Variants in NAALADL2 observed in about 807,000 individuals in gnomAD.
The protein encoded by NAALADL2 is inactive N-acetylated-alpha-linked acidic dipeptidase-like protein 2.
In NAALADL2, 76 loss-of-function variants were observed where a neutral mutation model predicts 87.2. The ratio of observed to expected loss-of-function variants is 0.87; its 90% CI spans 0.72 to 1.05. The LOEUF (loss-of-function observed/expected upper bound fraction) is 1.05. Ranked by LOEUF, NAALADL2 falls within the 50% of genes least tolerant of loss-of-function variation. The pLI, the probability that NAALADL2 is intolerant of heterozygous loss-of-function variation, is 0.00. For synonymous variants in NAALADL2, 354 were observed against 331.0 expected (o/e 1.07, Z -0.75); for missense variants, 1,089 against 945.8 (o/e 1.15, Z -1.99).
At chr3:174,569,662 G>A (rs1714692366) in intron 2 of NAALADL2, among the ~76,000 whole-genome samples, 1 of 152,096 alleles carries the variant, frequency 6.6e-6, no homozygotes, top group East Asian at 1.9e-4. Flanking sequence ...TGTTTTAGCA[G>A]GGAGTTAAAT....
intron 11 of NAALADL2, among the ~76,000 whole-genome samples, chr3:175,725,041 G>C (rs1427989072): frequency 6.6e-6 from 1 of 152,016 alleles, no homozygotes; most frequent in Non-Finnish European, 1.5e-5. Flanking sequence ...CTAAAGCACT[G>C]TTTTATTAAA....
intron 2 of NAALADL2, among the ~76,000 whole-genome samples, chr3:174,725,297 G>C (rs1003788718): frequency 2.6e-5 from 4 of 152,050 alleles, no homozygotes; most frequent in Admixed American, 2.6e-4. Context: ...TTTGAGATTA[G>C]TACTACAAAA....
intron 1 of NAALADL2, among the ~76,000 whole-genome samples, chr3:174,887,066 T>C (rs1048200599): frequency 6.6e-6 from 1 of 152,164 alleles, no homozygotes; most frequent in African/African-American, 2.4e-5. Context: ...TGCTGTAGCT[T>C]ATATAAGGAG....
chr3:174,708,687 ACTTAC>A (rs1234343240), intron 2 of NAALADL2, among the ~76,000 whole-genome samples: 4 of 151,984 alleles, frequency 2.6e-5, no homozygotes, highest in African/African-American at 9.7e-5. Context: ...ATAGGATTTG[ACTTAC>A]CTTACATATG....
At chr3:175,198,246 G>A (rs148918434) in intron 2 of NAALADL2, among the ~76,000 whole-genome samples, 175 of 152,072 alleles carry the variant, frequency 1.2e-3, no homozygotes, top group African/African-American at 3.9e-3. Flanking sequence ...TATTAAATTC[G>A]AAGAATCTAG....
chr3:174,927,726 T>A (rs1205461808), intron 1 of NAALADL2, among the ~76,000 whole-genome samples: 1 of 152,176 alleles, frequency 6.6e-6, no homozygotes, highest in African/African-American at 2.4e-5. Flanking sequence ...GAGGGAAATT[T>A]ATAGCACTAA....
intron 11 of NAALADL2, among the ~76,000 whole-genome samples, chr3:175,720,670 G>C (rs1419086977): frequency 6.6e-6 from 1 of 151,972 alleles, no homozygotes; most frequent in Non-Finnish European, 1.5e-5. Context: ...TTGTGATGAA[G>C]TGGCTCGTAG....
At chr3:175,338,748 C>G (rs889958829) in intron 5 of NAALADL2, among the ~76,000 whole-genome samples, 3 of 151,820 alleles carry the variant, frequency 2.0e-5, no homozygotes, top group African/African-American at 7.2e-5. Flanking sequence ...AAAGTGTGAG[C>G]AGGAGTGCAA....
intron 4 of NAALADL2, among the ~76,000 whole-genome samples, chr3:175,280,057 T>C (rs1754094890): frequency 6.6e-6 from 1 of 151,818 alleles, no homozygotes; most frequent in Non-Finnish European, 1.5e-5. Flanking sequence ...GTTTTAAATA[T>C]ACCCTTGGAT....
intron 10 of NAALADL2, among the ~76,000 whole-genome samples, chr3:175,617,455 C>A (rs942560587): frequency 1.3e-5 from 2 of 152,168 alleles, no homozygotes; most frequent in African/African-American, 4.8e-5. Flanking sequence ...AGGGTGGAGG[C>A]GGCTTCCTCA....
chr3:175,148,094 A>AATAAT (rs1553790286), intron 2 of NAALADL2, among the ~76,000 whole-genome samples: 1 of 125,528 alleles, frequency 8.0e-6, no homozygotes, highest in Non-Finnish European at 1.6e-5. Context: ...TGATAATGAT[A>AATAAT]ATAATAATAA....
intron 9 of NAALADL2, among the ~76,000 whole-genome samples, chr3:175,541,734 G>T (rs748573765): frequency 2.6e-4 from 40 of 151,984 alleles, no homozygotes; most frequent in Admixed American, 7.2e-4. Context: ...TTGTTTGTTT[G>T]TTTTTTGAGA....
intron 9 of NAALADL2, among the ~76,000 whole-genome samples, chr3:175,479,186 T>C (rs1023940626): frequency 2.6e-5 from 4 of 151,866 alleles, no homozygotes; most frequent in African/African-American, 7.2e-5. Context: ...AGTTGTAACC[T>C]GATTAAACAA....
At chr3:175,245,122 C>CT (rs542621255) in intron 3 of NAALADL2, among the ~76,000 whole-genome samples, 61 of 152,022 alleles carry the variant, frequency 4.0e-4, no homozygotes, top group South Asian at 3.9e-3. Flanking sequence ...TTCATAATCT[C>CT]TTTTTTAAAA....
At chr3:174,620,951 T>A (rs1189695833) in intron 2 of NAALADL2, among the ~76,000 whole-genome samples, 1 of 152,104 alleles carries the variant, frequency 6.6e-6, no homozygotes, top group Admixed American at 6.5e-5. Flanking sequence ...TATTTGAAGA[T>A]GGCATTTTTG....
intron 3 of NAALADL2, among the ~76,000 whole-genome samples, chr3:174,769,157 G>T (rs1714219784): frequency 6.6e-6 from 1 of 151,696 alleles, no homozygotes; most frequent in Non-Finnish European, 1.5e-5. Context: ...TTCCTTTGAT[G>T]CCTTATTTTG....
chr3:175,302,870 A>G (rs747211201), intron 4 of NAALADL2, among the ~76,000 whole-genome samples: 95 of 150,734 alleles, frequency 6.3e-4, no homozygotes, highest in African/African-American at 1.8e-3. Flanking sequence ...GTGTGTGTGT[A>G]TATTTTTTCA....
intron 2 of NAALADL2, among the ~76,000 whole-genome samples, chr3:174,650,047 GATA>G (rs72165871): frequency 0.068 from 10,302 of 151,926 alleles, 1,188 homozygotes; most frequent in African/African-American, 0.24. Flanking sequence ...TCAATAATAA[GATA>G]ATAATAGCTA....
At position 174,990,587 on chromosome 3, in the gene NAALADL2, C is replaced by T. The variant is rs1476415647; in HGVS notation, c.44-106203C>T. 5.9e-5 allele frequency among the ~76,000 whole-genome samples: 9 copies of T among 151,696 alleles called. 1 individual carries two copies. Among genetic ancestry groups the T allele is most frequent in the South Asian group, 2.1e-4 (1 of 4,818 alleles). ...TTTAAAAGTTGTATATATGGAAAGC[C>T]GGGAGGAACTTTTCAAAAGTCGATA... On this transcript the variant is annotated intron_variant, in intron 1 of 13. Coordinates refer to ENST00000454872, the MANE Select transcript of NAALADL2 (RefSeq NM_207015.3).
Sources: allele counts gnomAD v4.1 joint callset (sites outside exome capture counted in the v4.1 genomes callset), GRCh38; gene constraint gnomAD v4.1.1; transcripts MANE v1.5; gene names NCBI Gene and HGNC (gene_info 2026-07-23, HGNC 2026-07-21).